ALK: variants seen among roughly 807,000 people sequenced by gnomAD.
The protein encoded by ALK is ALK tyrosine kinase receptor.
A neutral mutation model predicts 163.1 loss-of-function variants in ALK; 74 were observed. The observed-to-expected ratio is 0.45, with a 90% CI of 0.38 to 0.55. ALK has a LOEUF of 0.55. ALK is among the 20% of genes least tolerant of loss of function. The pLI, the probability that ALK is intolerant of heterozygous loss-of-function variation, is 0.00. For synonymous variants in ALK, 960 were observed against 843.2 expected (o/e 1.14, Z -2.40); for missense variants, 2,063 against 2,105.3 (o/e 0.98, Z 0.39).
intron 11 of ALK, among the ~76,000 whole-genome samples, chr2:29,265,062 C>T (rs183335598): frequency 2.0e-5 from 3 of 152,238 alleles, no homozygotes; most frequent in East Asian, 1.9e-4. Flanking sequence ...CCCTGTCACC[C>T]AGGCTGGAGT....
chr2:29,651,538 C>G (rs13384520), intron 3 of ALK, among the ~76,000 whole-genome samples: 14,942 of 152,166 alleles, frequency 0.098, 1,518 homozygotes, highest in African/African-American at 0.26. Context: ...ATCTGAGGAT[C>G]ATTTTCAATA....
chr2:29,622,728 C>T (rs554775251), intron 3 of ALK, among the ~76,000 whole-genome samples: 10 of 152,296 alleles, frequency 6.6e-5, no homozygotes, highest in African/African-American at 2.4e-4. Flanking sequence ...AGCCCCCTCA[C>T]CCCTCCTCTG....
At chr2:29,426,187 C>T (rs1277692333) in intron 4 of ALK, among the ~76,000 whole-genome samples, 2 of 152,158 alleles carry the variant, frequency 1.3e-5, no homozygotes, top group African/African-American at 4.8e-5. Flanking sequence ...GCAGTGTCAT[C>T]CTAGGATGAT....
intron 3 of ALK, among the ~76,000 whole-genome samples, chr2:29,649,200 G>C (rs1676968563): frequency 6.8e-6 from 1 of 147,862 alleles, no homozygotes; most frequent in Non-Finnish European, 1.5e-5. Context: ...GTGTGTGTGA[G>C]AGAGAGTGTG....
intron 8 of ALK, among the ~76,000 whole-genome samples, chr2:29,310,996 G>A (rs1666679560): frequency 6.6e-6 from 1 of 152,224 alleles, no homozygotes; most frequent in South Asian, 2.1e-4. Flanking sequence ...TTTGGAAAAT[G>A]CCTCGAGAAC....
At chr2:29,539,180 T>C (rs1334544349) in intron 3 of ALK, among the ~76,000 whole-genome samples, 2 of 152,340 alleles carry the variant, frequency 1.3e-5, no homozygotes, top group East Asian at 3.9e-4. Flanking sequence ...TTTATACTGA[T>C]GGCTATATAT....
At position 29,920,997 on chromosome 2, in the gene ALK, T is replaced by A. The variant is rs1050821702; in HGVS notation, c.-338A>T. The stretch of plus-strand genomic sequence containing the variant: ...GCTCGGTACAGAGGAACTACTATGG[T>A]TGAAGGGAGGTGGCAGTTGGGTACC... On this transcript the variant is annotated 5_prime_UTR_variant, in exon 1 of 29. Coordinates refer to ENST00000389048, the MANE Select transcript of ALK (RefSeq NM_004304.5). 1 of 337,144 alleles carries A rather than the reference T, an allele frequency of 3.0e-6. No individual in the cohort carries two copies. The allele number at this position is 337,144 out of a possible 1,614,324, so 20.9% of individuals were successfully genotyped here.
intron 3 of ALK, among the ~76,000 whole-genome samples, chr2:29,557,887 G>A (rs531661656): frequency 6.6e-6 from 1 of 152,264 alleles, no homozygotes; most frequent in South Asian, 2.1e-4. Context: ...ACTCCAGAGA[G>A]TCTAAGCTTA....
chr2:29,593,153 A>C (rs1420300695), intron 3 of ALK, among the ~76,000 whole-genome samples: 1 of 152,198 alleles, frequency 6.6e-6, no homozygotes, highest in African/African-American at 2.4e-5. Flanking sequence ...ACGTTACGCC[A>C]GTGCCTGGCT....
At position 29,830,712 on chromosome 2, in the gene ALK, T is replaced by TAAAAA. The variant is rs1665344950; in HGVS notation, c.667+89280_667+89281insTTTTT. On this transcript the variant is annotated intron_variant, in intron 1 of 28. Coordinates refer to ENST00000389048, the MANE Select transcript of ALK (RefSeq NM_004304.5). The stretch of plus-strand genomic sequence containing the variant: ...AGCAAGACCCTGTCTCTAAAATAGT[T>TAAAAA]TAAAAAAAAAAAAAAAAAAAAAAAA... Among the ~76,000 whole-genome samples, 47 of 63,522 alleles carry TAAAAA rather than the reference T, an allele frequency of 7.4e-4. 14 individuals carry two copies. Among genetic ancestry groups the TAAAAA allele is most frequent in the African/African-American group, 1.6e-3 (26 of 16,064 alleles). The allele number at this position is 63,522 out of a possible 152,430, so 41.7% of individuals were successfully genotyped here.
intron 1 of ALK, among the ~76,000 whole-genome samples, chr2:29,763,018 C>T (rs1680753407): frequency 7.0e-6 from 1 of 143,228 alleles, no homozygotes; most frequent in Admixed American, 7.5e-5. Flanking sequence ...ACCAGGGAGG[C>T]GGAGGTTGCA....
intron 3 of ALK, among the ~76,000 whole-genome samples, chr2:29,670,307 T>G (rs921404338): frequency 1.3e-5 from 2 of 152,060 alleles, no homozygotes; most frequent in African/African-American, 4.8e-5. Context: ...AAGGCAGAAT[T>G]TTTTTCCTTT....
intron 1 of ALK, among the ~76,000 whole-genome samples, chr2:29,873,823 T>C (rs898258029): frequency 1.3e-5 from 2 of 151,352 alleles, no homozygotes; most frequent in African/African-American, 4.9e-5. Context: ...GCAGTGATAA[T>C]GACTGGGTAG....
intron 1 of ALK, among the ~76,000 whole-genome samples, chr2:29,823,519 G>A (rs568518982): frequency 2.6e-4 from 40 of 152,228 alleles, no homozygotes; most frequent in Non-Finnish European, 3.4e-4. Flanking sequence ...TAATGATATG[G>A]ACAATGAAAT....
intron 8 of ALK, among the ~76,000 whole-genome samples, chr2:29,300,554 C>T (rs1482365546): frequency 2.1e-5 from 2 of 95,520 alleles, no homozygotes; most frequent in African/African-American, 8.1e-5. Context: ...GACTCTGTCT[C>T]AAAAAAAAAA....
At chr2:29,641,615 TACC>T (rs566566021) in intron 3 of ALK, among the ~76,000 whole-genome samples, 1 of 152,008 alleles carries the variant, frequency 6.6e-6, no homozygotes, top group East Asian at 1.9e-4. Context: ...AGCCATTCCT[TACC>T]ACCACCACCA....
rs189826294 is a variant in ALK, at chr2:29,786,882, A to C, written c.668-69185T>G. Among the ~76,000 whole-genome samples the C allele has an allele frequency of 6.6e-5, 10 of 152,094 alleles. No individual in the cohort carries two copies. In the East Asian group the frequency reaches 1.9e-3, roughly 29 times the overall value. ...TCTTGACTCATTGCAACCTCTACCT[A>C]CCTCCTAGGTTCAAGCGATTCTCCT... is the stretch of plus-strand genomic sequence containing the variant. On this transcript the variant is annotated intron_variant, in intron 1 of 28. Transcript: ENST00000389048.
At chr2:29,816,998 G>C (rs34052536) in intron 1 of ALK, among the ~76,000 whole-genome samples, 109 of 152,060 alleles carry the variant, frequency 7.2e-4, no homozygotes, top group Middle Eastern at 6.8e-3. Flanking sequence ...TGCTTTGTGC[G>C]TATGAACTCA....
At chr2:29,219,607 T>G (rs899365883) in intron 23 of ALK, among the ~76,000 whole-genome samples, 1 of 152,204 alleles carries the variant, frequency 6.6e-6, no homozygotes, top group Admixed American at 6.5e-5. Flanking sequence ...CAGCTCCAGT[T>G]CCTGGTATCC....
Sources: gnomAD v4.1 joint callset for allele counts (sites outside exome capture counted in the v4.1 genomes callset) on GRCh38, gnomAD v4.1.1 for gene constraint, MANE v1.5 for transcripts, NCBI Gene and HGNC (gene_info 2026-07-23, HGNC 2026-07-21) for gene names.